The following CSMD1 variants were observed in gnomAD, a reference collection of about 807,000 sequenced individuals.
The protein encoded by CSMD1 is CUB and Sushi multiple domains 1.
Under a neutral mutation model 417.5 loss-of-function variants are expected in CSMD1, and 213 were observed. The ratio of observed to expected loss-of-function variants is 0.51; its 90% CI spans 0.46 to 0.57. The LOEUF (loss-of-function observed/expected upper bound fraction) is 0.57. Ranked by LOEUF, CSMD1 falls within the 20% of genes least tolerant of loss-of-function variation. The probability of loss-of-function intolerance (pLI) is 0.00; values close to 1 mark genes in which losing one functional copy is unlikely to be tolerated. For missense variants in CSMD1, 6,923 were observed against 4,529.7 expected, an observed-to-expected ratio of 1.53 and a Z score of -15.17; for synonymous variants, 2,862 against 1,736.8, an observed-to-expected ratio of 1.65 and a Z score of -16.11.
intron 3 of CSMD1, among the ~76,000 whole-genome samples, chr8:4,242,742 G>A (rs1388303632): frequency 1.3e-5 from 2 of 152,054 alleles, no homozygotes; most frequent in African/African-American, 4.8e-5. Context: ...TCTCCTGCAG[G>A]GCACAATCTG....
At chr8:3,848,561 T>C (rs984314101) in intron 5 of CSMD1, among the ~76,000 whole-genome samples, 1 of 152,210 alleles carries the variant, frequency 6.6e-6, no homozygotes, top group African/African-American at 2.4e-5. Context: ...TAATTTCACC[T>C]TTGTGCTGCT....
At position 3,785,702 on chromosome 8, in the gene CSMD1, C is replaced by T. The variant is rs201962267; in HGVS notation, c.819-31660G>A. On this transcript the variant is annotated intron_variant, in intron 5 of 69. Coordinates refer to ENST00000635120, the MANE Select transcript of CSMD1 (RefSeq NM_033225.6). The stretch of plus-strand genomic sequence containing the variant: ...GTGGGCTGTGTGCATGGAGGAGCCA[C>T]GTGCTACCAAGAAGTGAGAGGCCCA... Among the ~76,000 whole-genome samples the T allele has an allele frequency of 5.3e-5, 8 of 152,188 alleles. No homozygotes were observed. The East Asian group carries it at 5.8e-4, about 11-fold the overall frequency.
intron 7 of CSMD1, among the ~76,000 whole-genome samples, chr8:3,661,669 G>T (rs972603427): frequency 1.3e-5 from 2 of 151,978 alleles, no homozygotes; most frequent in African/African-American, 4.8e-5. Context: ...GCTAATTTTT[G>T]TATTTTTAGT....
chr8:3,535,829 A>G (rs1381725086), intron 10 of CSMD1, among the ~76,000 whole-genome samples: 2 of 152,120 alleles, frequency 1.3e-5, no homozygotes, highest in Non-Finnish European at 2.9e-5. Flanking sequence ...CTCTCCCACC[A>G]GTTTTTGTAT....
chr8:3,681,376 G>C (rs1182552880), intron 7 of CSMD1, among the ~76,000 whole-genome samples: 1 of 152,060 alleles, frequency 6.6e-6, no homozygotes, highest in South Asian at 2.1e-4. Context: ...AAAATCACAA[G>C]CATTCTTATA....
At chr8:3,448,538 T>A (rs1480035189) in intron 12 of CSMD1, among the ~76,000 whole-genome samples, 1 of 151,908 alleles carries the variant, frequency 6.6e-6, no homozygotes, top group Non-Finnish European at 1.5e-5. Flanking sequence ...GGTTTATTAA[T>A]GAAGGTTTAA....
intron 3 of CSMD1, among the ~76,000 whole-genome samples, chr8:4,407,893 G>C (rs1259445327): frequency 1.3e-5 from 2 of 152,050 alleles, no homozygotes; most frequent in African/African-American, 4.8e-5. Context: ...GAGTTAAGAT[G>C]GATAACACAT....
At chr8:4,257,982 A>T (rs1314644756) in intron 3 of CSMD1, among the ~76,000 whole-genome samples, 3 of 152,142 alleles carry the variant, frequency 2.0e-5, no homozygotes, top group Non-Finnish European at 2.9e-5. Flanking sequence ...GCCATAAAAG[A>T]ATATCATAGA....
intron 7 of CSMD1, among the ~76,000 whole-genome samples, chr8:3,621,766 T>C (rs73493623): frequency 0.12 from 18,022 of 151,004 alleles, 1,152 homozygotes; most frequent in African/African-American, 0.14. Context: ...ATTATTATTA[T>C]TTTATTATTA....
At chr8:4,438,138 GA>G (rs1798252745) in intron 2 of CSMD1, among the ~76,000 whole-genome samples, 1 of 152,140 alleles carries the variant, frequency 6.6e-6, no homozygotes, top group Non-Finnish European at 1.5e-5. Flanking sequence ...GAAAAGAATT[GA>G]GTGTGCTTCC....
chr8:3,363,784 G>T (rs140613760), intron 20 of CSMD1, among the ~76,000 whole-genome samples: 20 of 152,286 alleles, frequency 1.3e-4, no homozygotes, highest in African/African-American at 4.8e-4. Flanking sequence ...TAATTCACTA[G>T]AAGTTAGCAC....
intron 10 of CSMD1, among the ~76,000 whole-genome samples, chr8:3,548,635 T>A (rs940267950): frequency 6.7e-6 from 1 of 149,140 alleles, no homozygotes; most frequent in Admixed American, 6.7e-5. Context: ...TCAACCCTTT[T>A]CACGGCTGAG....
intron 5 of CSMD1, among the ~76,000 whole-genome samples, chr8:3,945,961 T>C (rs2688317): frequency 0.48 from 72,356 of 151,982 alleles, 17,501 homozygotes; most frequent in Non-Finnish European, 0.51. Flanking sequence ...AACTTAAATT[T>C]ATTGAAAGGT....
At chr8:4,094,131 T>A (rs1340786155) in intron 3 of CSMD1, among the ~76,000 whole-genome samples, 1 of 152,012 alleles carries the variant, frequency 6.6e-6, no homozygotes, top group African/African-American at 2.4e-5. Flanking sequence ...TGCCTCCGTG[T>A]GTGGGGGGGA....
At chr8:2,984,304 G>A (rs1307411869) in intron 54 of CSMD1, among the ~76,000 whole-genome samples, 2 of 152,090 alleles carry the variant, frequency 1.3e-5, no homozygotes, top group African/African-American at 4.8e-5. Flanking sequence ...ATGCTGGGAG[G>A]AGCATGGGAT....
chr8:3,031,932 A>G (rs1355346106), intron 50 of CSMD1, among the ~76,000 whole-genome samples: 1 of 150,536 alleles, frequency 6.6e-6, no homozygotes. Context: ...TTTTTTTAGT[A>G]TAGTGACTGA....
At chr8:3,059,967 G>C (rs1451958457) in intron 49 of CSMD1, among the ~76,000 whole-genome samples, 1 of 152,046 alleles carries the variant, frequency 6.6e-6, no homozygotes, top group Non-Finnish European at 1.5e-5. Context: ...ACTGCAATTA[G>C]GCAGTGGGTA....
chr8:3,298,488 C>G (rs549520714), intron 25 of CSMD1, among the ~76,000 whole-genome samples: 1 of 152,142 alleles, frequency 6.6e-6, no homozygotes, highest in Admixed American at 6.5e-5. Context: ...GAGTCTTGAT[C>G]TGTTGACCAG....
chr8:3,925,944 A>T (rs752593501), intron 5 of CSMD1, among the ~76,000 whole-genome samples: 15 of 151,630 alleles, frequency 9.9e-5, no homozygotes, highest in Non-Finnish European at 2.2e-4. Context: ...CCAAGCAGTA[A>T]AGGCTTTTCC....
Sources: allele counts gnomAD v4.1 joint callset (sites outside exome capture counted in the v4.1 genomes callset), GRCh38; gene constraint gnomAD v4.1.1; transcripts MANE v1.5; gene names NCBI Gene and HGNC (gene_info 2026-07-23, HGNC 2026-07-21).